Variants in DEDD2 observed in about 807,000 individuals in gnomAD.
DEDD2 encodes the protein DNA-binding death effector domain-containing protein 2.
A neutral mutation model predicts 28.9 loss-of-function variants in DEDD2; 18 were observed. The ratio of observed to expected loss-of-function variants is 0.62; its 90% CI spans 0.43 to 0.92. The LOEUF is 0.92. DEDD2 is among the 40% of genes least tolerant of loss of function. The pLI is 0.00. For synonymous variants in DEDD2, 211 were observed against 206.1 expected, an observed-to-expected ratio of 1.02 and a Z score of -0.20; for missense variants, 411 against 463.3, an observed-to-expected ratio of 0.89 and a Z score of 1.04.
intron 3 of DEDD2, among the ~76,000 whole-genome samples, chr19:42,212,580 T>A (rs771380134): frequency 2.0e-5 from 3 of 151,258 alleles, no homozygotes; most frequent in Middle Eastern, 3.4e-3. Context: ...TCCTCCTACC[T>A]CAGCCTCCTG....
At chr19:42,206,330 C>T (rs2035532990) in intron 4 of DEDD2, among the ~76,000 whole-genome samples, 3 of 152,060 alleles carry the variant, frequency 2.0e-5, no homozygotes, top group Non-Finnish European at 4.4e-5. Context: ...CCTGTGCTCC[C>T]GCTGTCCTCT....
In DEDD2 at chr19:42,199,470, C is replaced by T; in HGVS notation, c.949G>A (p.Glu317Lys). ...GRRRLLLMEE[E>K]GGRRPTEAS ...GCCTCTGTCGGGCGCCGCCCCCCTT[C>T]CTCCTCCATCAGCAACAGGCGGCGC... The change falls in exon 5 of 5, where the codon GAA becomes AAA. Residue 317 changes from glutamate (E) to lysine (K), a missense_variant. This residue lies in a region of DEDD2 where 129 missense variants were observed against 189.9 expected (regional missense o/e 0.68). Coordinates refer to ENST00000596251, the MANE Select transcript of DEDD2 (RefSeq NM_133328.4). The surrounding 1 kb of genome is among the most constrained non-coding windows in gnomAD (Gnocchi z 7.4). 2 of 1,610,812 alleles carry T rather than the reference C, an allele frequency of 1.2e-6. No homozygotes were observed. Among genetic ancestry groups the T allele is most frequent in the Non-Finnish European group, 1.7e-6 (2 of 1,178,788 alleles).
chr19:42,213,784 G>A (rs571195963), intron 3 of DEDD2, among the ~76,000 whole-genome samples: 2 of 151,056 alleles, frequency 1.3e-5, no homozygotes, highest in African/African-American at 2.5e-5. Flanking sequence ...ATGGGGTGTA[G>A]GGGCAGTTTC....
Position 42,216,309 on chromosome 19 carries a change from T to C in DEDD2, c.328+371A>G, listed in dbSNP as rs377284839. 2.6e-5 allele frequency among the ~76,000 whole-genome samples: 4 copies of C among 152,384 alleles called. No homozygotes were observed. In the South Asian group the frequency reaches 6.2e-4, roughly 24 times the overall value. On this transcript the variant is annotated intron_variant, in intron 2 of 4. Transcript: ENST00000596251. ...GGCCCAGCAAACAGGATTGTTATTA[T>C]ACGTGCAAACTGCTTAACTTCTCTG...
At chr19:42,216,303 T>C (rs2035964058) in intron 2 of DEDD2, among the ~76,000 whole-genome samples, 1 of 152,382 alleles carries the variant, frequency 6.6e-6, no homozygotes, top group Non-Finnish European at 1.5e-5. Flanking sequence ...AACAGGATTG[T>C]TATTATACGT....
intron 3 of DEDD2, among the ~76,000 whole-genome samples, chr19:42,213,117 A>G (rs1251311973): frequency 6.6e-6 from 1 of 152,164 alleles, no homozygotes; most frequent in East Asian, 1.9e-4. Flanking sequence ...GGAAGCACAC[A>G]AAGAATGATA....
At chr19:42,209,862 A>G (rs756186821) in intron 3 of DEDD2, 22 bp from the exon 4 acceptor site, 5 of 1,506,204 alleles carry the variant, frequency 3.3e-6, no homozygotes, top group Non-Finnish European at 3.5e-6. Context: ...AAAATGGGGC[A>G]AGTTGAGGAC....
intron 3 of DEDD2, among the ~76,000 whole-genome samples, chr19:42,211,630 CA>C (rs2035769233): frequency 6.6e-6 from 1 of 152,168 alleles, no homozygotes; most frequent in African/African-American, 2.4e-5. Context: ...TCACTAGATA[CA>C]GTCAGCAGTT....
intron 4 of DEDD2, among the ~76,000 whole-genome samples, chr19:42,200,123 A>C (rs756186973): frequency 8.5e-5 from 13 of 152,086 alleles, no homozygotes; most frequent in Non-Finnish European, 1.5e-4. Flanking sequence ...CTCAAAAGCC[A>C]CCTTGCCAAC....
At chr19:42,214,576 A>G (rs1160102058) in intron 3 of DEDD2, among the ~76,000 whole-genome samples, 1 of 151,764 alleles carries the variant, frequency 6.6e-6, no homozygotes, top group African/African-American at 2.4e-5. Flanking sequence ...AGCCTGGACA[A>G]CAAGGGGGAG....
chr19:42,207,320 C>T (rs902085779), intron 4 of DEDD2, among the ~76,000 whole-genome samples: 5 of 152,150 alleles, frequency 3.3e-5, no homozygotes, highest in East Asian at 1.9e-4. Flanking sequence ...GGGGCAGGTG[C>T]GCGTGCTTTG....
At chr19:42,208,460 T>C (rs2035619620) in intron 4 of DEDD2, among the ~76,000 whole-genome samples, 1 of 152,194 alleles carries the variant, frequency 6.6e-6, no homozygotes, top group South Asian at 2.1e-4. Context: ...GAGCACCTAC[T>C]AGAAGCCCAG....
At chr19:42,219,600 T>TCAAA (rs918692852), upstream of DEDD2, among the ~76,000 whole-genome samples, 3 of 152,182 alleles carry the variant, frequency 2.0e-5, no homozygotes, top group Non-Finnish European at 4.4e-5. Flanking sequence ...AGACTCCGTC[T>TCAAA]CAAACAAACA....
At chr19:42,218,178 C>T (rs1187243548), upstream of DEDD2, among the ~76,000 whole-genome samples, 1 of 152,124 alleles carries the variant, frequency 6.6e-6, no homozygotes, top group East Asian at 1.9e-4. Context: ...CTAGTGACAA[C>T]CAGGGATCTA....
upstream of DEDD2, among the ~76,000 whole-genome samples, chr19:42,218,457 G>A (rs1215058376): frequency 1.3e-5 from 2 of 151,984 alleles, no homozygotes; most frequent in Admixed American, 6.6e-5. Flanking sequence ...TGCCCTCCAG[G>A]GTCGCCCAGA....
chr19:42,199,447 C>G lies in DEDD2; in HGVS notation c.972G>C (p.Glu324Asp), dbSNP rs769301022. The G allele has an allele frequency of 6.2e-7, 1 of 1,603,622 alleles. No individual in the cohort carries two copies. The highest frequency in any genetic ancestry group is 1.1e-5 in the South Asian group (1 of 90,268). ...TCCTGCCAGTCCTGGATCAGGAGGC[C>G]TCTGTCGGGCGCCGCCCCCCTTCCT... Reference protein sequence around the residue: ...MEEEGGRRPTEAS With the variant: ...MEEEGGRRPTDAS The change falls in exon 5 of 5, where the codon GAG (glutamate) becomes GAC (aspartate). Residue 324 changes from glutamate to aspartate, a missense_variant. This residue lies in a region of DEDD2 where 129 missense variants were observed against 189.9 expected (regional missense o/e 0.68). Transcript: ENST00000596251. This position sits in a 1 kb window ranked among gnomAD's most constrained non-coding sequence, Gnocchi z 7.4.
At chr19:42,201,124 C>A (rs540621576) in intron 4 of DEDD2, among the ~76,000 whole-genome samples, 1 of 152,190 alleles carries the variant, frequency 6.6e-6, no homozygotes, top group African/African-American at 2.4e-5. Context: ...CCTATTATCA[C>A]CCCCAACTTA....
At position 42,217,042 on chromosome 19, in the gene DEDD2, C is replaced by G; in HGVS notation, c.-35G>C. ...AGGGAGGCGGAACAAGCTCAGAACC[C>G]GGCCTAGAACCCACACAGCGGGGAG... On this transcript the variant is annotated 5_prime_UTR_variant, in exon 2 of 5. Transcript: ENST00000596251. The G allele has an allele frequency of 6.4e-7, 1 of 1,551,124 alleles. No homozygotes were observed. The highest frequency in any genetic ancestry group is 8.7e-7 in the Non-Finnish European group (1 of 1,146,844).
upstream of DEDD2, among the ~76,000 whole-genome samples, chr19:42,219,079 C>CG (rs1568459758): frequency 2.0e-5 from 3 of 150,234 alleles, no homozygotes; most frequent in African/African-American, 7.4e-5. Context: ...CCGAGGCGGG[C>CG]GGATCACCTG....
Sources: allele counts gnomAD v4.1 joint callset (sites outside exome capture counted in the v4.1 genomes callset), GRCh38; gene constraint gnomAD v4.1.1; regional missense constraint gnomAD v4.1.1; non-coding constraint Gnocchi (gnomAD v3.1); transcripts MANE v1.5; gene names NCBI Gene and HGNC (gene_info 2026-07-23, HGNC 2026-07-21).